Variants in SLC9B2 observed in about 807,000 individuals in gnomAD.
The protein encoded by SLC9B2 is solute carrier family 9 member B2.
SLC9B2 carries 39 observed loss-of-function variants against 52.2 expected under a neutral mutation model. That is an observed-to-expected ratio of 0.75 (90% CI 0.58 to 0.98). The LOEUF (loss-of-function observed/expected upper bound fraction) is 0.98, where lower values mean the gene tolerates loss of function less well. Among genes scored for constraint, SLC9B2 ranks in the 50% least tolerant of loss-of-function variants. The pLI is 0.00. For missense variants in SLC9B2, 626 were observed against 637.5 expected (o/e 0.98, Z 0.19); for synonymous variants, 214 against 227.0 (o/e 0.94, Z 0.51).
chr4:103,039,655 T>G (rs1743463788), intron 9 of SLC9B2, among the ~76,000 whole-genome samples: 1 of 150,590 alleles, frequency 6.6e-6, no homozygotes, highest in Non-Finnish European at 1.5e-5. Context: ...TATTCTTTTT[T>G]TTTTTTTTTT....
At chr4:103,027,427 A>G (rs1425294411) in intron 11 of SLC9B2, among the ~76,000 whole-genome samples, 3 of 152,208 alleles carry the variant, frequency 2.0e-5, no homozygotes, top group Non-Finnish European at 4.4e-5. Context: ...AGTTGATCTT[A>G]TTAGGTATTT....
intron 9 of SLC9B2, among the ~76,000 whole-genome samples, chr4:103,041,608 C>T (rs1560546039): frequency 6.6e-6 from 1 of 152,094 alleles, no homozygotes; most frequent in Non-Finnish European, 1.5e-5. Flanking sequence ...TGATATTGCT[C>T]CTTCTCATTG....
rs533990285 is a variant in SLC9B2, at chr4:103,056,440, G to C, written c.442+1361C>G. Among the ~76,000 whole-genome samples, 5 of 152,108 alleles carry C rather than the reference G, an allele frequency of 3.3e-5. No homozygotes were observed. The South Asian group carries it at 1.0e-3, about 32-fold the overall frequency. ...TTTTTTTATTTTTAGTAGAGATGGA[G>C]TTTCACCATGTTGGCCAGGCTGATC... On this transcript the variant is annotated intron_variant, in intron 4 of 11. Coordinates refer to ENST00000394785, the MANE Select transcript of SLC9B2 (RefSeq NM_178833.7).
At chr4:103,073,339 C>T (rs1177826509) in intron 1 of SLC9B2, among the ~76,000 whole-genome samples, 2 of 152,080 alleles carry the variant, frequency 1.3e-5, no homozygotes, top group East Asian at 1.9e-4. Context: ...ATGTGTTGAA[C>T]GTATAGGTTC....
At position 103,067,462 on chromosome 4, in the gene SLC9B2, T is replaced by G. The variant is rs752892618; in HGVS notation, c.89A>C (p.Gln30Pro). The change falls in exon 2 of 12, where the codon CAG becomes CCG. Residue 30 changes from glutamine (Q) to proline (P), a missense_variant and splice_region_variant. Physicochemically the swap from Gln to Pro is moderately conservative, Grantham distance 76. Coordinates refer to ENST00000394785, the MANE Select transcript of SLC9B2 (RefSeq NM_178833.7). The stretch of plus-strand genomic sequence containing the variant: ...AATTCTATCACAGCTTAGATTTACC[T>G]GTGCTTCTTGATGCATGGAGGGCGT... ...NYTPSMHQEA[Q>P]EETVMKLKGI... 4 of 1,612,026 alleles carry G rather than the reference T, an allele frequency of 2.5e-6. No individual in the cohort carries two copies. Among genetic ancestry groups the G allele is most frequent in the Non-Finnish European group, 3.4e-6 (4 of 1,178,382 alleles).
At chr4:103,066,046 T>C (rs534456073) in intron 3 of SLC9B2, among the ~76,000 whole-genome samples, 42 of 152,338 alleles carry the variant, frequency 2.8e-4, no homozygotes, top group Admixed American at 2.4e-3. Flanking sequence ...TACTCAGATA[T>C]AGTAAAGGAA....
chr4:103,066,615 G>T, intron 2 of SLC9B2, 108 bp from the exon 3 acceptor site: 1 of 1,051,022 alleles, frequency 9.5e-7, no homozygotes, highest in South Asian at 1.9e-5. Context: ...CTAGCATCAA[G>T]GATAACACTT....
At chr4:103,071,378 ATTTTTTT>A (rs550340712) in intron 1 of SLC9B2, among the ~76,000 whole-genome samples, 3 of 90,274 alleles carry the variant, frequency 3.3e-5, no homozygotes, top group East Asian at 3.1e-4. Flanking sequence ...TAATTTTTGT[ATTTTTTT>A]TTTTTTTTTT....
rs1252149700 is a variant in SLC9B2, at chr4:103,024,326, G to A, written c.*2044C>T. Among the ~76,000 whole-genome samples, 1 of 152,152 alleles carries A rather than the reference G, an allele frequency of 6.6e-6. No individual in the cohort carries two copies. The highest frequency in any genetic ancestry group is 1.5e-5 in the Non-Finnish European group (1 of 68,030). On this transcript the variant is annotated 3_prime_UTR_variant, in exon 12 of 12. Coordinates refer to ENST00000394785, the MANE Select transcript of SLC9B2 (RefSeq NM_178833.7). ...AAGTTTATGGTGCTCCCAGCAAAGT[G>A]CACCTAACCAATGAAGTTCAGTTCA... is the stretch of plus-strand genomic sequence containing the variant.
chr4:103,043,256 G>T (rs780696639), intron 9 of SLC9B2, 40 bp downstream of exon 9: 2 of 1,566,262 alleles, frequency 1.3e-6, no homozygotes, highest in East Asian at 4.5e-5. Context: ...AATCTCATTA[G>T]AAAAGAGTCA....
chr4:103,030,822 T>C (rs1311999584), intron 10 of SLC9B2, among the ~76,000 whole-genome samples: 1 of 152,096 alleles, frequency 6.6e-6, no homozygotes, highest in African/African-American at 2.4e-5. Context: ...GAATTTAAAC[T>C]CTATACCCAT....
chr4:103,047,473 ATGT>A (rs1171625149), intron 6 of SLC9B2, among the ~76,000 whole-genome samples: 2 of 150,996 alleles, frequency 1.3e-5, no homozygotes, highest in African/African-American at 4.9e-5. Flanking sequence ...TACATGTGCC[ATGT>A]TGTTCTGCTG....
At chr4:103,041,053 TC>T (rs1477897461) in intron 9 of SLC9B2, among the ~76,000 whole-genome samples, 8 of 152,178 alleles carry the variant, frequency 5.3e-5, no homozygotes, top group African/African-American at 1.9e-4. Flanking sequence ...TGGATAGAAC[TC>T]TAGAAAGCAG....
chr4:103,057,273 T>TATATATATATACAC (rs1220375909), intron 4 of SLC9B2, among the ~76,000 whole-genome samples: 1 of 143,224 alleles, frequency 7.0e-6, no homozygotes, highest in African/African-American at 2.6e-5. Context: ...TATATATATA[T>TATATATATATACAC]ACACACACAC....
chr4:103,033,412 T>C (rs1203898835), intron 9 of SLC9B2, among the ~76,000 whole-genome samples: 2 of 152,112 alleles, frequency 1.3e-5, no homozygotes, highest in Non-Finnish European at 2.9e-5. Context: ...ACCGGAGTAC[T>C]GGAAGTCCTA....
At position 103,048,935 on chromosome 4, in the gene SLC9B2, T is replaced by C. The variant is rs775970928; in HGVS notation, c.671A>G (p.His224Arg). ...TTGCCATGGTAAACCCAGCAGGTAA[T>C]GGGCAAGAAGAGCAGATGTGCACGC... Reference protein sequence around the residue: ...VEACTSALLAHYLLGLPWQWG... With the variant: ...VEACTSALLARYLLGLPWQWG... Residue 224 changes from histidine to arginine, a missense_variant, in exon 6 of 12, where the codon CAT becomes CGT. By Grantham distance (29) the His-to-Arg change is conservative. Transcript: ENST00000394785. 3 of 1,613,850 alleles carry C rather than the reference T, an allele frequency of 1.9e-6. No individual in the cohort carries two copies. Among genetic ancestry groups the C allele is most frequent in the East Asian group, 2.2e-5 (1 of 44,888 alleles).
At chr4:103,020,358 C>T (rs932169763), downstream of SLC9B2, 4 of 446,606 alleles carry the variant, frequency 9.0e-6, no homozygotes, top group Non-Finnish European at 1.8e-5. Context: ...GCCTTTCAGT[C>T]CCAAAGTTTC....
chr4:103,073,040 A>G (rs1317382637), intron 1 of SLC9B2, among the ~76,000 whole-genome samples: 1 of 152,230 alleles, frequency 6.6e-6, no homozygotes, highest in Non-Finnish European at 1.5e-5. Context: ...TGAAGAAGAC[A>G]TGGCAAGAAG....
At chr4:103,038,290 CAG>C (rs1322799696) in intron 9 of SLC9B2, among the ~76,000 whole-genome samples, 1 of 152,146 alleles carries the variant, frequency 6.6e-6, no homozygotes, top group Non-Finnish European at 1.5e-5. Flanking sequence ...TTCATATACT[CAG>C]AATACAAATG....
Sources: allele counts gnomAD v4.1 joint callset (sites outside exome capture counted in the v4.1 genomes callset), GRCh38; gene constraint gnomAD v4.1.1; transcripts MANE v1.5; gene names NCBI Gene and HGNC (gene_info 2026-07-23, HGNC 2026-07-21).